Variants in CPVL observed in about 807,000 individuals in gnomAD.
CPVL encodes the protein carboxypeptidase vitellogenic like, also known as probable serine carboxypeptidase CPVL.
A neutral mutation model predicts 63.7 loss-of-function variants in CPVL; 51 were observed. That is an observed-to-expected ratio of 0.80 (90% CI 0.64 to 1.01). The LOEUF (loss-of-function observed/expected upper bound fraction) is 1.01, where lower values mean the gene tolerates loss of function less well. CPVL is among the 50% of genes least tolerant of loss of function. The pLI is 0.00. For synonymous variants in CPVL, 195 were observed against 206.0 expected, an observed-to-expected ratio of 0.95 and a Z score of 0.46; for missense variants, 530 against 573.1, an observed-to-expected ratio of 0.92 and a Z score of 0.77.
rs140534989 is a variant in CPVL at position 29,068,129 on chromosome 7, C to A, written c.865-2008G>T. ...AAGCAATTCTCCTGCCTCAGCCTCC[C>A]GAGTACCTGAGATTAAAGGCGCCTG... is the stretch of plus-strand genomic sequence containing the variant. On this transcript the variant is annotated intron_variant, in intron 9 of 12. Transcript: ENST00000265394. 7.6e-3 allele frequency among the ~76,000 whole-genome samples: 1,158 copies of A among 151,812 alleles called. 14 individuals carry two copies. Among genetic ancestry groups the A allele is most frequent in the African/African-American group, 0.026 (1,084 of 41,378 alleles).
intron 3 of CPVL, among the ~76,000 whole-genome samples, chr7:29,109,636 A>G (rs1271099363): frequency 6.6e-6 from 1 of 152,068 alleles, no homozygotes; most frequent in Non-Finnish European, 1.5e-5. Context: ...TGGCTGCCAC[A>G]TGGTGGTACC....
intron 3 of CPVL, among the ~76,000 whole-genome samples, chr7:29,108,976 C>T (rs1787993391): frequency 6.6e-6 from 1 of 152,164 alleles, no homozygotes; most frequent in South Asian, 2.1e-4. Flanking sequence ...CCAGTTCTGC[C>T]AATTTCTAGT....
chr7:29,125,336 A>G (rs902964282), intron 1 of CPVL, among the ~76,000 whole-genome samples: 23 of 152,066 alleles, frequency 1.5e-4, no homozygotes, highest in Non-Finnish European at 1.5e-5. Context: ...CCAAGACTCA[A>G]AGCCAGAATT....
chr7:29,026,498 C>T (rs1159632874), intron 12 of CPVL, among the ~76,000 whole-genome samples: 3 of 151,200 alleles, frequency 2.0e-5, no homozygotes, highest in Admixed American at 6.6e-5. Context: ...CAGAGCAGAA[C>T]TAAATGGAAT....
At chr7:29,124,529 T>A (rs916883464) in intron 1 of CPVL, among the ~76,000 whole-genome samples, 1 of 152,254 alleles carries the variant, frequency 6.6e-6, no homozygotes, top group South Asian at 2.1e-4. Flanking sequence ...AAATCATGTG[T>A]CCAATGTATG....
At chr7:29,075,284 A>AAT (rs1784128356) in intron 7 of CPVL, among the ~76,000 whole-genome samples, 1 of 152,118 alleles carries the variant, frequency 6.6e-6, no homozygotes, top group Non-Finnish European at 1.5e-5. Flanking sequence ...ATTAAGAAGG[A>AAT]ACACCCACTC....
chr7:29,035,715 C>T (rs1788465549), intron 11 of CPVL, among the ~76,000 whole-genome samples: 1 of 152,188 alleles, frequency 6.6e-6, no homozygotes, highest in African/African-American at 2.4e-5. Context: ...ATGGATTCTG[C>T]TCTTTAATGG....
intron 11 of CPVL, among the ~76,000 whole-genome samples, chr7:29,046,514 T>G (rs982316713): frequency 6.6e-6 from 1 of 151,962 alleles, no homozygotes; most frequent in African/African-American, 2.4e-5. Flanking sequence ...CCAGACCACT[T>G]AGAAACACAA....
chr7:29,091,419 G>A (rs1186548280), intron 6 of CPVL, among the ~76,000 whole-genome samples: 1 of 152,078 alleles, frequency 6.6e-6, no homozygotes, highest in Non-Finnish European at 1.5e-5. Flanking sequence ...TGGGGGCGGG[G>A]AGTAGGTTTC....
intron 11 of CPVL, among the ~76,000 whole-genome samples, chr7:29,044,856 G>A (rs1486079262): frequency 6.6e-6 from 1 of 152,064 alleles, no homozygotes; most frequent in African/African-American, 2.4e-5. Flanking sequence ...CATAGCAAAT[G>A]GTATTGTCAT....
intron 5 of CPVL, among the ~76,000 whole-genome samples, chr7:29,175,951 C>T (rs898482214): frequency 6.6e-6 from 1 of 152,086 alleles, no homozygotes; most frequent in Non-Finnish European, 1.5e-5. Context: ...CTTTGGGAGG[C>T]CGAGGCGGGA....
At chr7:29,151,859 C>T (rs1362230127) in intron 5 of CPVL, among the ~76,000 whole-genome samples, 1 of 152,202 alleles carries the variant, frequency 6.6e-6, no homozygotes, top group East Asian at 1.9e-4. Context: ...GTATGTATAG[C>T]CATCAACACA....
intron 3 of CPVL, among the ~76,000 whole-genome samples, chr7:29,111,781 C>T (rs323183): frequency 0.16 from 24,371 of 152,038 alleles, 2,071 homozygotes; most frequent in East Asian, 0.33. Context: ...CACCCTGGAC[C>T]AAGCAATTTA....
chr7:29,189,184 C>G (rs1177982960), intron 1 of CPVL, among the ~76,000 whole-genome samples: 1 of 152,036 alleles, frequency 6.6e-6, no homozygotes, highest in Non-Finnish European at 1.5e-5. Context: ...CTCCTGACCT[C>G]AAATGATCTG....
chr7:29,154,709 C>G (rs1794093459), intron 5 of CPVL, among the ~76,000 whole-genome samples: 1 of 152,066 alleles, frequency 6.6e-6, no homozygotes. Flanking sequence ...GTGGCACGTA[C>G]CTGTGGTCCC....
intron 5 of CPVL, among the ~76,000 whole-genome samples, chr7:29,159,846 C>T (rs245905): frequency 0.63 from 95,780 of 152,050 alleles, 30,628 homozygotes; most frequent in East Asian, 0.75. Context: ...TGATTTGTCT[C>T]AACTAGTGTA....
intron 12 of CPVL, among the ~76,000 whole-genome samples, chr7:29,027,049 G>A (rs1281040602): frequency 6.6e-6 from 1 of 152,016 alleles, no homozygotes; most frequent in African/African-American, 2.4e-5. Flanking sequence ...GAAAACTACA[G>A]GCCAATCTCC....
intron 5 of CPVL, among the ~76,000 whole-genome samples, chr7:29,165,840 A>C (rs1416217546): frequency 6.6e-6 from 1 of 152,354 alleles, no homozygotes; most frequent in East Asian, 1.9e-4. Flanking sequence ...GGTGAATTAC[A>C]TGGGTTGATT....
intron 1 of CPVL, among the ~76,000 whole-genome samples, chr7:29,135,006 A>C (rs1183402673): frequency 6.6e-6 from 1 of 151,568 alleles, no homozygotes; most frequent in Admixed American, 6.6e-5. Flanking sequence ...AGGGAGCTGA[A>C]GTGGGAGGAT....
Sources: allele counts gnomAD v4.1 joint callset (sites outside exome capture counted in the v4.1 genomes callset), GRCh38; gene constraint gnomAD v4.1.1; transcripts MANE v1.5; gene names NCBI Gene and HGNC (gene_info 2026-07-23, HGNC 2026-07-21).